Variants in OPCML observed in about 807,000 individuals in gnomAD.
The protein encoded by OPCML is opioid-binding protein/cell adhesion molecule.
Under a neutral mutation model 37.8 loss-of-function variants are expected in OPCML, and 13 were observed. That is an observed-to-expected ratio of 0.34 (90% CI 0.22 to 0.55). OPCML has a LOEUF of 0.55. Ranked by LOEUF, OPCML falls within the 20% of genes least tolerant of loss-of-function variation. The pLI is 0.91. For missense variants in OPCML, 341 were observed against 435.6 expected (o/e 0.78, Z 1.93); for synonymous variants, 176 against 168.8 (o/e 1.04, Z -0.33).
intron 1 of OPCML, among the ~76,000 whole-genome samples, chr11:133,514,038 T>C (rs988626075): frequency 7.9e-5 from 12 of 152,042 alleles, no homozygotes; most frequent in African/African-American, 2.9e-4. Context: ...CCACAGAGAA[T>C]TGGAGAGCAA....
chr11:133,330,387 G>A (rs1183338020), intron 1 of OPCML, among the ~76,000 whole-genome samples: 2 of 152,082 alleles, frequency 1.3e-5, no homozygotes, highest in African/African-American at 4.8e-5. Context: ...ACATGCACAC[G>A]TATGTTTATT....
chr11:133,027,184 A>T (rs909315318), intron 1 of OPCML, among the ~76,000 whole-genome samples: 1 of 152,172 alleles, frequency 6.6e-6, no homozygotes, highest in African/African-American at 2.4e-5. Context: ...TAAGCATCTG[A>T]TGTTCCTGAA....
At chr11:132,824,898 G>C (rs527743732) in intron 2 of OPCML, among the ~76,000 whole-genome samples, 1 of 152,022 alleles carries the variant, frequency 6.6e-6, no homozygotes, top group Non-Finnish European at 1.5e-5. Context: ...GGCCTTGTAT[G>C]CTCCCTTCTC....
intron 2 of OPCML, among the ~76,000 whole-genome samples, chr11:132,782,388 G>A (rs1221409558): frequency 6.6e-6 from 1 of 152,190 alleles, no homozygotes; most frequent in Non-Finnish European, 1.5e-5. Flanking sequence ...CAACTTTTCT[G>A]CAGTCCTCAC....
chr11:133,052,513 C>A (rs78606346), intron 1 of OPCML, among the ~76,000 whole-genome samples: 1 of 152,164 alleles, frequency 6.6e-6, no homozygotes, highest in Non-Finnish European at 1.5e-5. Flanking sequence ...GTGCTTCATA[C>A]TTTAGGGGAC....
intron 1 of OPCML, among the ~76,000 whole-genome samples, chr11:133,424,815 T>C (rs1565626967): frequency 6.6e-6 from 1 of 152,194 alleles, no homozygotes; most frequent in African/African-American, 2.4e-5. Context: ...TGCAAAACAA[T>C]GTATGCATCT....
chr11:133,433,265 A>T (rs1291040439), intron 1 of OPCML, among the ~76,000 whole-genome samples: 1 of 150,672 alleles, frequency 6.6e-6, no homozygotes, highest in African/African-American at 2.5e-5. Flanking sequence ...AAAAAAAAAA[A>T]AAAAATATTA....
At chr11:132,454,248 C>T (rs191894166) in intron 4 of OPCML, among the ~76,000 whole-genome samples, 11 of 152,284 alleles carry the variant, frequency 7.2e-5, no homozygotes, top group African/African-American at 1.9e-4. Flanking sequence ...CTTTAGCTTT[C>T]GTTGCTAGTT....
intron 3 of OPCML, among the ~76,000 whole-genome samples, chr11:132,626,161 G>A (rs983207468): frequency 6.6e-6 from 1 of 151,156 alleles, no homozygotes; most frequent in African/African-American, 2.4e-5. Context: ...GCATGAACAG[G>A]GTAAAATGGG....
intron 2 of OPCML, among the ~76,000 whole-genome samples, chr11:132,724,002 G>T (rs905577675): frequency 5.3e-5 from 8 of 152,156 alleles, no homozygotes; most frequent in Admixed American, 6.5e-5. Flanking sequence ...AGCTTTTCAA[G>T]AGAACTGCCC....
chr11:132,781,283 C>T (rs558864245), intron 2 of OPCML, among the ~76,000 whole-genome samples: 115 of 152,140 alleles, frequency 7.6e-4, no homozygotes, highest in African/African-American at 2.6e-3. Flanking sequence ...CATGAGTGGG[C>T]CCCTTCCAGT....
chr11:132,741,875 C>A (rs1257663045), intron 2 of OPCML, among the ~76,000 whole-genome samples: 1 of 151,500 alleles, frequency 6.6e-6, no homozygotes, highest in Non-Finnish European at 1.5e-5. Flanking sequence ...AAAAAAAACA[C>A]AAAATTAGCT....
chr11:133,213,478 G>A (rs189751203), intron 1 of OPCML, among the ~76,000 whole-genome samples: 2 of 152,220 alleles, frequency 1.3e-5, no homozygotes, highest in Admixed American at 6.5e-5. Context: ...ACTGTCCTCA[G>A]ACAAAAACAC....
At chr11:132,859,976 C>G (rs1942232829) in intron 2 of OPCML, 1 of 152,060 alleles carries the variant, frequency 6.6e-6, no homozygotes, top group South Asian at 2.1e-4. Context: ...ACAAAGCATT[C>G]AAATAATTGC....
chr11:133,287,148 T>G (rs1942320839), intron 1 of OPCML, among the ~76,000 whole-genome samples: 1 of 152,094 alleles, frequency 6.6e-6, no homozygotes, highest in African/African-American at 2.4e-5. Context: ...TTGCCATACA[T>G]ATAATTTTAA....
At chr11:132,572,306 T>C (rs1369378690) in intron 3 of OPCML, among the ~76,000 whole-genome samples, 2 of 152,176 alleles carry the variant, frequency 1.3e-5, no homozygotes, top group Admixed American at 6.5e-5. Context: ...TTTGGTGTTA[T>C]ATCAATGAAA....
intron 3 of OPCML, among the ~76,000 whole-genome samples, chr11:132,630,081 A>G (rs1169987967): frequency 1.3e-5 from 2 of 152,210 alleles, no homozygotes; most frequent in East Asian, 3.8e-4. Flanking sequence ...TTGGTGAGGT[A>G]TACGTTATTT....
intron 1 of OPCML, among the ~76,000 whole-genome samples, chr11:133,039,736 G>C (rs1413047626): frequency 1.3e-5 from 2 of 152,088 alleles, no homozygotes; most frequent in African/African-American, 4.8e-5. Context: ...AGACGTCGTG[G>C]ACCGAAAGCA....
chr11:133,481,183 T>A (rs75662760), intron 1 of OPCML, among the ~76,000 whole-genome samples: 2,265 of 152,324 alleles, frequency 0.015, 65 homozygotes, highest in African/African-American at 0.052. Flanking sequence ...CTAATTCAAT[T>A]TGAGACATTC....
Sources: gnomAD v4.1 joint callset for allele counts (sites outside exome capture counted in the v4.1 genomes callset) on GRCh38, gnomAD v4.1.1 for gene constraint, MANE v1.5 for transcripts, NCBI Gene and HGNC (gene_info 2026-07-23, HGNC 2026-07-21) for gene names.